GRID2: variants seen among roughly 807,000 people sequenced by gnomAD.
GRID2 encodes the protein glutamate receptor ionotropic, delta-2.
In GRID2, 33 loss-of-function variants were observed where a neutral mutation model predicts 114.8. That is an observed-to-expected ratio of 0.29 (90% CI 0.22 to 0.38). GRID2 has a LOEUF of 0.38. Ranked by LOEUF, GRID2 falls within the 10% of genes least tolerant of loss-of-function variation. The probability of loss-of-function intolerance (pLI) is 1.00; values close to 1 mark genes in which losing one functional copy is unlikely to be tolerated. For missense variants in GRID2, 1,184 were observed against 1,257.7 expected (o/e 0.94, Z 0.89); for synonymous variants, 505 against 449.9 (o/e 1.12, Z -1.55).
In GRID2 at chr4:93,075,546, A is replaced by G. The variant is rs527385663; in HGVS notation, c.245-9449A>G. 4.6e-5 allele frequency among the ~76,000 whole-genome samples: 7 copies of G among 152,332 alleles called. No individual in the cohort carries two copies. In the East Asian group the frequency reaches 9.7e-4, roughly 21 times the overall value. On this transcript the variant is annotated intron_variant, in intron 2 of 15. Transcript: ENST00000282020. The stretch of plus-strand genomic sequence containing the variant: ...AAGAAGTAAAATTGCCTTTATTTGC[A>G]GATGACATGATTCTCTCTGTAGAAA...
At chr4:92,505,202 A>C (rs975552623) in intron 1 of GRID2, among the ~76,000 whole-genome samples, 6 of 152,026 alleles carry the variant, frequency 3.9e-5, no homozygotes, top group Non-Finnish European at 7.4e-5. Context: ...CAAATAGAAT[A>C]GGACTCTTGG....
At chr4:92,960,217 C>T (rs1457994880) in intron 2 of GRID2, among the ~76,000 whole-genome samples, 2 of 151,836 alleles carry the variant, frequency 1.3e-5, no homozygotes, top group Non-Finnish European at 2.9e-5. Flanking sequence ...TCCATGTTAG[C>T]TTGAGAGGCA....
chr4:92,743,909 T>C (rs1234290120), intron 2 of GRID2, among the ~76,000 whole-genome samples: 2 of 152,206 alleles, frequency 1.3e-5, no homozygotes, highest in Admixed American at 6.5e-5. Flanking sequence ...ACATATATGT[T>C]GTAAAACAGA....
chr4:93,632,732 C>T (rs955835112), intron 14 of GRID2, among the ~76,000 whole-genome samples: 1 of 151,886 alleles, frequency 6.6e-6, no homozygotes, highest in Non-Finnish European at 1.5e-5. Flanking sequence ...ACTTTCAAGT[C>T]GTTTTTTCCA....
intron 2 of GRID2, among the ~76,000 whole-genome samples, chr4:93,014,769 A>G (rs1376257703): frequency 6.6e-6 from 1 of 152,176 alleles, no homozygotes; most frequent in Non-Finnish European, 1.5e-5. Context: ...ATATGTTAAT[A>G]TGCACTGCGA....
intron 8 of GRID2, among the ~76,000 whole-genome samples, chr4:93,336,468 G>A (rs1579725307): frequency 6.6e-6 from 1 of 152,096 alleles, no homozygotes; most frequent in African/African-American, 2.4e-5. Flanking sequence ...AGGTTATTTA[G>A]GTTTTTTCCC....
intron 2 of GRID2, among the ~76,000 whole-genome samples, chr4:92,645,823 G>T (rs1335788410): frequency 6.6e-6 from 1 of 151,558 alleles, no homozygotes; most frequent in Non-Finnish European, 1.5e-5. Context: ...TTATTTCCCC[G>T]TAAGAATTAG....
rs1725268768 is a variant in GRID2 at position 92,304,372 on chromosome 4, G to A, written c.-285G>A. 1 of 468,408 alleles carries A rather than the reference G, an allele frequency of 2.1e-6. No homozygotes were observed. Among genetic ancestry groups the A allele is most frequent in the East Asian group, 4.4e-5 (1 of 22,532 alleles). The allele number at this position is 468,408 out of a possible 1,614,324, so 29.0% of individuals were successfully genotyped here. A position where few individuals can be genotyped will look rare whatever the true frequency, so the allele number is the denominator to read the frequency against. On this transcript the variant is annotated 5_prime_UTR_variant, in exon 1 of 16. Transcript: ENST00000282020. ...CTCCCCCTGCCCAAGAGCAGTAGAG[G>A]CTGGATATATTTTTCAAAAGCCAAA...
intron 12 of GRID2, 27 bp from the exon 13 acceptor site, chr4:93,515,189 T>G (rs1432220745): frequency 5.1e-6 from 6 of 1,178,890 alleles, no homozygotes; most frequent in Non-Finnish European, 7.2e-6. Context: ...GTGTCTCTTG[T>G]GTCTCTCTTC....
intron 2 of GRID2, among the ~76,000 whole-genome samples, chr4:92,902,417 T>A (rs895625918): frequency 1.9e-4 from 29 of 151,954 alleles, no homozygotes; most frequent in Non-Finnish European, 4.0e-4. Flanking sequence ...TTCTTTGTAA[T>A]TTTTTTGGTT....
At chr4:93,514,877 G>C (rs1009797601) in intron 12 of GRID2, among the ~76,000 whole-genome samples, 1 of 152,220 alleles carries the variant, frequency 6.6e-6, no homozygotes, top group South Asian at 2.1e-4. Flanking sequence ...TACTAAATTA[G>C]CATGTGATTA....
intron 2 of GRID2, among the ~76,000 whole-genome samples, chr4:92,703,304 C>T (rs1734772983): frequency 6.6e-6 from 1 of 152,000 alleles, no homozygotes; most frequent in Non-Finnish European, 1.5e-5. Flanking sequence ...GATTTAGGAC[C>T]ACTGTTGAAA....
At chr4:93,057,170 G>GTGTA (rs1560834211) in intron 2 of GRID2, among the ~76,000 whole-genome samples, 1 of 151,524 alleles carries the variant, frequency 6.6e-6, no homozygotes, top group Non-Finnish European at 1.5e-5. Context: ...GTCTGTGTGT[G>GTGTA]TGTGTGTGTG....
chr4:92,340,271 A>G (rs1218342566), intron 1 of GRID2, among the ~76,000 whole-genome samples: 2 of 152,116 alleles, frequency 1.3e-5, no homozygotes, highest in Non-Finnish European at 2.9e-5. Context: ...ATGTAAATCA[A>G]ATTTCTGAAA....
At chr4:92,599,425 C>A (rs976179909) in intron 2 of GRID2, among the ~76,000 whole-genome samples, 2 of 152,064 alleles carry the variant, frequency 1.3e-5, no homozygotes, top group African/African-American at 2.4e-5. Context: ...TCATCTCTGG[C>A]AAATTTATAT....
At chr4:93,209,309 TTCA>T in intron 5 of GRID2, among the ~76,000 whole-genome samples, 1 of 151,996 alleles carries the variant, frequency 6.6e-6, no homozygotes, top group Non-Finnish European at 1.5e-5. Flanking sequence ...TCCATATGTT[TTCA>T]TCATTTAGCT....
intron 13 of GRID2, among the ~76,000 whole-genome samples, chr4:93,542,172 G>A (rs1732714371): frequency 6.6e-6 from 1 of 152,118 alleles, no homozygotes; most frequent in Non-Finnish European, 1.5e-5. Flanking sequence ...GTGGGCAGTA[G>A]ACAATCTTCA....
At chr4:93,510,315 A>T (rs1303487182) in intron 12 of GRID2, among the ~76,000 whole-genome samples, 1 of 152,300 alleles carries the variant, frequency 6.6e-6, no homozygotes, top group Admixed American at 6.5e-5. Context: ...TTTTAATCTT[A>T]GAAGACAAAG....
intron 1 of GRID2, among the ~76,000 whole-genome samples, chr4:92,343,213 T>C (rs990753408): frequency 1.8e-4 from 28 of 152,068 alleles, no homozygotes; most frequent in Non-Finnish European, 2.1e-4. Flanking sequence ...GTGTGTTTTT[T>C]TGCATGGTGG....
Sources: gnomAD v4.1 joint callset for allele counts (sites outside exome capture counted in the v4.1 genomes callset) on GRCh38, gnomAD v4.1.1 for gene constraint, MANE v1.5 for transcripts, NCBI Gene and HGNC (gene_info 2026-07-23, HGNC 2026-07-21) for gene names.